Variants in ASB13 observed in about 807,000 individuals in gnomAD.
The protein encoded by ASB13 is ankyrin repeat and SOCS box protein 13.
A neutral mutation model predicts 28.8 loss-of-function variants in ASB13; 33 were observed. That is an observed-to-expected ratio of 1.15 (90% CI 0.87 to 1.53). The LOEUF (loss-of-function observed/expected upper bound fraction) is 1.53. Among genes scored for constraint, ASB13 ranks in the 40% most tolerant of loss-of-function variants. The pLI, the probability that ASB13 is intolerant of heterozygous loss-of-function variation, is 0.00. For synonymous variants in ASB13, 182 were observed against 172.9 expected, an observed-to-expected ratio of 1.05 and a Z score of -0.41; for missense variants, 414 against 390.1, an observed-to-expected ratio of 1.06 and a Z score of -0.52.
intron 1 of ASB13, 111 bp from the exon 2 acceptor site, chr10:5,653,161 T>A (rs1272279856): frequency 9.8e-6 from 11 of 1,124,112 alleles, no homozygotes; most frequent in Non-Finnish European, 1.4e-5. Flanking sequence ...TCCGTGATCA[T>A]GCAATTGTCC....
At position 5,642,479 on chromosome 10, in the gene ASB13, C is replaced by A; in HGVS notation, c.518-518G>T. 8.3e-7 allele frequency: 1 copy of A among 1,198,358 alleles called. No individual in the cohort carries two copies. The highest frequency in any genetic ancestry group is 1.1e-6 in the Non-Finnish European group (1 of 951,586). 74.2% of individuals were successfully genotyped at this position (1,198,358 alleles called of 1,614,324 possible). A position where few individuals can be genotyped will look rare whatever the true frequency, so the allele number is the denominator to read the frequency against. ...AGGAAAACAGATAACGTACCCAAAA[C>A]AGTAGGCAATTCAGAGAAGAGAGTA... On this transcript the variant is annotated intron_variant, in intron 4 of 5. Coordinates refer to ENST00000357700, the MANE Select transcript of ASB13 (RefSeq NM_024701.4). This position sits in a 1 kb window ranked among gnomAD's most constrained non-coding sequence, Gnocchi z 4.1.
Position 5,659,273 on chromosome 10 carries a change from C to T in ASB13, c.44-6223G>A, listed in dbSNP as rs546909885. Among the ~76,000 whole-genome samples, 6 of 152,300 alleles carry T rather than the reference C, an allele frequency of 3.9e-5. No individual in the cohort carries two copies. In the South Asian group the frequency reaches 8.3e-4, roughly 21 times the overall value. ...GCTGGCGAGTTCCCTCCGGGACTCACGTTCTGCCCCTAAATCCCACCCACT... is the reference window on the plus strand; with the variant it reads ...GCTGGCGAGTTCCCTCCGGGACTCATGTTCTGCCCCTAAATCCCACCCACT... On this transcript the variant is annotated intron_variant, in intron 1 of 5. Transcript: ENST00000357700. This position sits in a 1 kb window ranked among gnomAD's most constrained non-coding sequence, Gnocchi z 5.8.
Position 5,651,851 on chromosome 10 carries a change from A to C in ASB13, c.232-488T>G, listed in dbSNP as rs1375425002. Among the ~76,000 whole-genome samples the C allele has an allele frequency of 6.6e-6, 1 of 151,768 alleles. No individual in the cohort carries two copies. The highest frequency in any genetic ancestry group is 6.6e-5 in the Admixed American group (1 of 15,244). The stretch of plus-strand genomic sequence containing the variant: ...ACCCTGTCTCTACAAAAAATACAAA[A>C]ATTAGCTGGGTTTGGTGGCATGCAC... On this transcript the variant is annotated intron_variant, in intron 2 of 5. Transcript: ENST00000357700. This position sits in a 1 kb window ranked among gnomAD's most constrained non-coding sequence, Gnocchi z 5.1.
Position 5,645,083 on chromosome 10 carries a change from C to T in ASB13, c.518-3122G>A, listed in dbSNP as rs943208441. Among the ~76,000 whole-genome samples the T allele has an allele frequency of 1.3e-5, 2 of 151,924 alleles. No homozygotes were observed. The highest frequency in any genetic ancestry group is 4.8e-5 in the African/African-American group (2 of 41,358). Reference sequence around the variant, plus strand: ...GTCAACACAGGCTCATTACCAAAATCCTGCTTTCAACACAAAATAGGATTA... The same window carrying T: ...GTCAACACAGGCTCATTACCAAAATTCTGCTTTCAACACAAAATAGGATTA... On this transcript the variant is annotated intron_variant, in intron 4 of 5. Transcript: ENST00000357700. The surrounding 1 kb of genome is among the most constrained non-coding windows in gnomAD (Gnocchi z 5.4).
intron 1 of ASB13, among the ~76,000 whole-genome samples, chr10:5,657,394 C>T (rs1490876381): frequency 6.6e-6 from 1 of 151,450 alleles, no homozygotes; most frequent in African/African-American, 2.4e-5. Context: ...TTTCTCTAAA[C>T]AGGATGCACA....
chr10:5,642,553 G>C lies in ASB13; in HGVS notation c.518-592C>G. On this transcript the variant is annotated intron_variant, in intron 4 of 5. Coordinates refer to ENST00000357700, the MANE Select transcript of ASB13 (RefSeq NM_024701.4). The surrounding 1 kb of genome is among the most constrained non-coding windows in gnomAD (Gnocchi z 4.1). ...CACGATAAGAGCAGACATTCATCAAGCTGATTAAAAGTAAAGGTAAAAAAA... is the reference window on the plus strand; with the variant it reads ...CACGATAAGAGCAGACATTCATCAACCTGATTAAAAGTAAAGGTAAAAAAA... 1 of 1,248,578 alleles carries C rather than the reference G, an allele frequency of 8.0e-7. No individual in the cohort carries two copies. The highest frequency in any genetic ancestry group is 1.0e-6 in the Non-Finnish European group (1 of 976,806). 77.3% of individuals were successfully genotyped at this position (1,248,578 alleles called of 1,614,324 possible).
chr10:5,666,013 T>A (rs75365661), intron 1 of ASB13, among the ~76,000 whole-genome samples: 2 of 152,254 alleles, frequency 1.3e-5, no homozygotes, highest in African/African-American at 2.4e-5. Context: ...CCACCTTCAC[T>A]GGAGCGGAGT....
intron 1 of ASB13, among the ~76,000 whole-genome samples, chr10:5,654,382 A>C (rs1267837799): frequency 6.6e-6 from 1 of 151,826 alleles, no homozygotes; most frequent in Non-Finnish European, 1.5e-5. Context: ...TGAAGACAGG[A>C]CCTACAGGAA....
rs1185104077 is a variant in ASB13, at chr10:5,641,588, A to G, written c.709+182T>C. Among the ~76,000 whole-genome samples the G allele has an allele frequency of 2.6e-5, 4 of 152,066 alleles. No individual in the cohort carries two copies. The highest frequency in any genetic ancestry group is 5.9e-5 in the Non-Finnish European group (4 of 67,994). Reference sequence around the variant, plus strand: ...CCACGCCACGGGCCACAGGGAACCCAGGGAGAGCTGGGGCAACAGCACAAA... The same window carrying G: ...CCACGCCACGGGCCACAGGGAACCCGGGGAGAGCTGGGGCAACAGCACAAA... On this transcript the variant is annotated intron_variant, in intron 5 of 5. Transcript: ENST00000357700. This position sits in a 1 kb window ranked among gnomAD's most constrained non-coding sequence, Gnocchi z 8.4.
rs1834922743 is a variant in ASB13, at chr10:5,648,392, AGGCAAACACCCCCTTG to A, written c.517+562_517+577del. 4.6e-3 allele frequency among the ~76,000 whole-genome samples: 529 copies of A among 115,248 alleles called. 1 individual carries two copies. The highest frequency in any genetic ancestry group is 6.4e-3 in the Non-Finnish European group (324 of 50,862). 75.6% of individuals were successfully genotyped at this position (115,248 alleles called of 152,430 possible). A position where few individuals can be genotyped will look rare whatever the true frequency, so the allele number is the denominator to read the frequency against. ...CACCCATGCAGGCAAACACCCACTCAGGCAAACACCCCCTTGGGTAAACACCCACTCAGGCAAACAC... is the reference window on the plus strand; with the variant it reads ...CACCCATGCAGGCAAACACCCACTCAGGTAAACACCCACTCAGGCAAACAC... On this transcript the variant is annotated intron_variant, in intron 4 of 5. Coordinates refer to ENST00000357700, the MANE Select transcript of ASB13 (RefSeq NM_024701.4).
At chr10:5,662,827 G>A (rs759928085) in intron 1 of ASB13, among the ~76,000 whole-genome samples, 11 of 152,152 alleles carry the variant, frequency 7.2e-5, no homozygotes, top group Non-Finnish European at 1.6e-4. Flanking sequence ...GACAGTGTAC[G>A]TGACAACCCC....
chr10:5,643,030 T>C (rs1439511215), intron 4 of ASB13, among the ~76,000 whole-genome samples: 3 of 152,210 alleles, frequency 2.0e-5, no homozygotes, highest in Non-Finnish European at 2.9e-5. Flanking sequence ...CAGAATTCTT[T>C]TGAAAGAAAA....
Position 5,640,761 on chromosome 10 carries a change from TC to T in ASB13, c.778del (p.Glu260ArgfsTer6). Reference sequence around the variant, plus strand: ...CGGGATGTTTAACTTGGCAATCTTCTCCAGCCCTCGGACGCCAGTGGCCTTC... The same window carrying T: ...CGGGATGTTTAACTTGGCAATCTTCTCAGCCCTCGGACGCCAGTGGCCTTC... ...LRKATGVRGLEKIAKLNIPPR... is the reference protein window; with the variant it reads ...LRKATGVRGLXKIAKLNIPPR... On this transcript the variant is annotated frameshift_variant, in exon 6 of 6. Coordinates refer to ENST00000357700, the MANE Select transcript of ASB13 (RefSeq NM_024701.4). LOFTEE classifies it high-confidence loss of function. 1 of 1,614,080 alleles carries T rather than the reference TC, an allele frequency of 6.2e-7. No homozygotes were observed. Among genetic ancestry groups the T allele is most frequent in the East Asian group, 2.2e-5 (1 of 44,882 alleles).
rs1466433280 is a variant in ASB13 at position 5,655,864 on chromosome 10, C to T, written c.44-2814G>A. 3.3e-5 allele frequency among the ~76,000 whole-genome samples: 5 copies of T among 152,164 alleles called. No individual in the cohort carries two copies. The highest frequency in any genetic ancestry group is 6.5e-5 in the Admixed American group (1 of 15,276). ...GTGCATCTCAGGAGGCCACCTGAGC[C>T]GGGAAGGCGCGTTCCCGACGTGCCT... On this transcript the variant is annotated intron_variant, in intron 1 of 5. Transcript: ENST00000357700. The surrounding 1 kb of genome is among the most constrained non-coding windows in gnomAD (Gnocchi z 6.2).
Position 5,649,609 on chromosome 10 carries a change from G to A in ASB13, c.383-505C>T, listed in dbSNP as rs545267365. Among the ~76,000 whole-genome samples the A allele has an allele frequency of 1.3e-5, 2 of 150,622 alleles. No homozygotes were observed. The highest frequency in any genetic ancestry group is 6.6e-5 in the Admixed American group (1 of 15,106). Reference sequence around the variant, plus strand: ...GGTGCGATCTCAGCTCACTACAACCGCCATCTCCCGGGTTAAAGCGATTCT... The same window carrying A: ...GGTGCGATCTCAGCTCACTACAACCACCATCTCCCGGGTTAAAGCGATTCT... On this transcript the variant is annotated intron_variant, in intron 3 of 5. Transcript: ENST00000357700. The surrounding 1 kb of genome is among the most constrained non-coding windows in gnomAD (Gnocchi z 6.4).
chr10:5,662,558 G>A lies in ASB13; in HGVS notation c.43+3951C>T, dbSNP rs1239352385. ...GGGGGGGGGAGGGGAGGGGAGGGGA[G>A]GGGAGGGGAGAAGAGAAGAGAAGAG... is the stretch of plus-strand genomic sequence containing the variant. On this transcript the variant is annotated intron_variant, in intron 1 of 5. Transcript: ENST00000357700. Among the ~76,000 whole-genome samples the A allele has an allele frequency of 1.9e-5, 2 of 104,906 alleles. 1 individual carries two copies. The highest frequency in any genetic ancestry group is 4.1e-5 in the Non-Finnish European group (2 of 49,334). 68.8% of individuals were successfully genotyped at this position (104,906 alleles called of 152,430 possible).
In ASB13 at chr10:5,661,579, C is replaced by T. The variant is rs764735992; in HGVS notation, c.43+4930G>A. On this transcript the variant is annotated intron_variant, in intron 1 of 5. Transcript: ENST00000357700. This position sits in a 1 kb window ranked among gnomAD's most constrained non-coding sequence, Gnocchi z 4.9. ...GTGTGATCAGGGCTCACTGCAGCCT[C>T]AACCTCCTAGGTTCAAGTGATCCTC... Among the ~76,000 whole-genome samples the T allele has an allele frequency of 5.3e-5, 8 of 152,210 alleles. No individual in the cohort carries two copies. Among genetic ancestry groups the T allele is most frequent in the Non-Finnish European group, 1.2e-4 (8 of 68,030 alleles).
Position 5,640,500 on chromosome 10 carries a change from G to A in ASB13, c.*203C>T. 1.6e-6 allele frequency: 1 copy of A among 621,230 alleles called. No individual in the cohort carries two copies. Among genetic ancestry groups the A allele is most frequent in the Non-Finnish European group, 2.7e-6 (1 of 367,906 alleles). 38.5% of individuals were successfully genotyped at this position (621,230 alleles called of 1,614,324 possible). On this transcript the variant is annotated 3_prime_UTR_variant, in exon 6 of 6. Transcript: ENST00000357700. The stretch of plus-strand genomic sequence containing the variant: ...AGCGCAGGGCCACACCCACAACTGT[G>A]ACCTGAGACGCAGGCCTTCCCAACA...
In ASB13 at chr10:5,640,269, G is replaced by A. The variant is rs1834785225; in HGVS notation, c.*434C>T. ...GCAGTCCTGGTGCCGACCCGGAGGT[G>A]GTGGCCTGCACCTGGGGCCTGTGCA... On this transcript the variant is annotated 3_prime_UTR_variant, in exon 6 of 6. Coordinates refer to ENST00000357700, the MANE Select transcript of ASB13 (RefSeq NM_024701.4). The A allele has an allele frequency of 6.3e-6, 1 of 159,110 alleles. No homozygotes were observed. The allele number at this position is 159,110 out of a possible 1,614,324, so 9.9% of individuals were successfully genotyped here. A position where few individuals can be genotyped will look rare whatever the true frequency, so the allele number is the denominator to read the frequency against.
Sources: gnomAD v4.1 joint callset for allele counts (sites outside exome capture counted in the v4.1 genomes callset) on GRCh38, gnomAD v4.1.1 for gene constraint, Gnocchi (gnomAD v3.1) non-coding constraint, MANE v1.5 for transcripts, NCBI Gene and HGNC (gene_info 2026-07-23, HGNC 2026-07-21) for gene names.